The following PDE10A variants were observed in gnomAD, a reference collection of about 807,000 sequenced individuals.
PDE10A encodes phosphodiesterase 10A, also known as cAMP and cAMP-inhibited cGMP 3',5'-cyclic phosphodiesterase 10A.
A neutral mutation model predicts 97.7 loss-of-function variants in PDE10A; 39 were observed. The ratio of observed to expected loss-of-function variants is 0.40; its 90% CI spans 0.31 to 0.52. The LOEUF (loss-of-function observed/expected upper bound fraction) is 0.52, where lower values mean the gene tolerates loss of function less well. PDE10A is among the 20% of genes least tolerant of loss of function. PDE10A has a pLI of 0.56. For missense variants in PDE10A, 731 were observed against 1,047.8 expected, an observed-to-expected ratio of 0.70 and a Z score of 4.17; for synonymous variants, 371 against 376.8, an observed-to-expected ratio of 0.98 and a Z score of 0.18.
At chr6:165,374,805 C>A (rs1784512642) in intron 18 of PDE10A, among the ~76,000 whole-genome samples, 1 of 149,616 alleles carries the variant, frequency 6.7e-6, no homozygotes, top group Non-Finnish European at 1.5e-5. Context: ...TTGGGTACAG[C>A]AATATCGGCA....
intron 1 of PDE10A, among the ~76,000 whole-genome samples, chr6:165,783,026 C>T (rs1778387664): frequency 6.6e-6 from 1 of 152,046 alleles, no homozygotes; most frequent in Non-Finnish European, 1.5e-5. Flanking sequence ...CACTTCCTCG[C>T]TTATAAATTC....
At chr6:165,633,753 G>A (rs3008041) in intron 1 of PDE10A, among the ~76,000 whole-genome samples, 76,386 of 151,272 alleles carry the variant, frequency 0.5, 19,758 homozygotes, top group Middle Eastern at 0.67. Context: ...TCAGCCTCCC[G>A]AGCAGCTGGG....
intron 1 of PDE10A, among the ~76,000 whole-genome samples, chr6:165,589,231 G>A (rs770830537): frequency 2.0e-5 from 3 of 152,122 alleles, no homozygotes; most frequent in Non-Finnish European, 4.4e-5. Flanking sequence ...AAAGTTAATT[G>A]GGTAAAATGA....
At chr6:165,731,224 A>C (rs779739603) in intron 1 of PDE10A, among the ~76,000 whole-genome samples, 3 of 152,210 alleles carry the variant, frequency 2.0e-5, no homozygotes, top group Non-Finnish European at 4.4e-5. Context: ...ATGATGGGCA[A>C]AAATGAGAGA....
rs1431782299 is a variant in PDE10A, at chr6:165,671,295, A to G, written c.-614-127727T>C. On this transcript the variant is annotated intron_variant, in intron 1 of 19. Transcript: ENST00000366882. The surrounding 1 kb of genome is among the most constrained non-coding windows in gnomAD (Gnocchi z 4.6). Reference sequence around the variant, plus strand: ...GCTTTTCTAACCCTCTCCCTGAAACAGGTAAACTTGGTAATTTTATTATTT... The same window carrying G: ...GCTTTTCTAACCCTCTCCCTGAAACGGGTAAACTTGGTAATTTTATTATTT... Among the ~76,000 whole-genome samples the G allele has an allele frequency of 1.3e-5, 2 of 152,146 alleles. No individual in the cohort carries two copies. The highest frequency in any genetic ancestry group is 2.4e-5 in the African/African-American group (1 of 41,438).
chr6:165,518,799 C>G, intron 2 of PDE10A, among the ~76,000 whole-genome samples: 1 of 152,134 alleles, frequency 6.6e-6, no homozygotes, highest in East Asian at 1.9e-4. Context: ...CGACCTCAAA[C>G]TACACAAGTT....
At chr6:165,456,040 T>C (rs1013993689) in intron 3 of PDE10A, among the ~76,000 whole-genome samples, 5 of 152,210 alleles carry the variant, frequency 3.3e-5, no homozygotes, top group African/African-American at 4.8e-5. Flanking sequence ...TTCTTTATCA[T>C]CTGTAACCAG....
chr6:165,897,070 T>C (rs1327722716), intron 1 of PDE10A, among the ~76,000 whole-genome samples: 3 of 152,180 alleles, frequency 2.0e-5, no homozygotes, highest in African/African-American at 7.2e-5. Flanking sequence ...AACAGTCTGT[T>C]GGGCAAAAAT....
chr6:165,376,289 T>C (rs978288480), intron 18 of PDE10A, among the ~76,000 whole-genome samples: 2 of 152,312 alleles, frequency 1.3e-5, no homozygotes, highest in South Asian at 2.1e-4. Flanking sequence ...TAGAAACTAG[T>C]GGAGCCTGAA....
At chr6:165,845,122 C>G (rs1042324610) in intron 1 of PDE10A, among the ~76,000 whole-genome samples, 11 of 152,286 alleles carry the variant, frequency 7.2e-5, no homozygotes, top group African/African-American at 2.6e-4. Flanking sequence ...GCTATGAGAG[C>G]TGATGGTCAT....
At chr6:165,534,664 T>C (rs1489154929) in intron 2 of PDE10A, among the ~76,000 whole-genome samples, 1 of 152,028 alleles carries the variant, frequency 6.6e-6, no homozygotes, top group Non-Finnish European at 1.5e-5. Context: ...TCAATAAATA[T>C]GATATATCAC....
At chr6:165,336,328 T>G (rs986428205) in intron 20 of PDE10A, 117 bp from the exon 21 acceptor site, 5 of 710,440 alleles carry the variant, frequency 7.0e-6, no homozygotes, top group African/African-American at 5.3e-5. Flanking sequence ...AAATTGCATG[T>G]TCTAGTTTTG....
At chr6:165,392,819 T>C in intron 15 of PDE10A, 23 bp from the exon 16 acceptor site, 3 of 1,610,938 alleles carry the variant, frequency 1.9e-6, no homozygotes, top group Non-Finnish European at 2.5e-6. Context: ...GAAATTGTTA[T>C]GACTGAAACC....
chr6:165,858,332 C>T (rs543970910), intron 1 of PDE10A, among the ~76,000 whole-genome samples: 59 of 152,296 alleles, frequency 3.9e-4, no homozygotes, highest in African/African-American at 1.1e-3. Flanking sequence ...GGAGTGCTCC[C>T]GACTAAGAAG....
chr6:165,427,014 T>C (rs1242114273), intron 10 of PDE10A, among the ~76,000 whole-genome samples: 1 of 152,090 alleles, frequency 6.6e-6, no homozygotes. Context: ...GCACAGCTGC[T>C]GGGAATGAAA....
At chr6:165,369,297 T>C (rs1784044371) in intron 18 of PDE10A, among the ~76,000 whole-genome samples, 1 of 151,734 alleles carries the variant, frequency 6.6e-6, no homozygotes, top group Non-Finnish European at 1.5e-5. Flanking sequence ...CGGGAGGACA[T>C]TCAAACCAAA....
intron 5 of PDE10A, among the ~76,000 whole-genome samples, chr6:165,448,051 C>T (rs984169361): frequency 6.6e-6 from 1 of 152,138 alleles, no homozygotes; most frequent in Non-Finnish European, 1.5e-5. Context: ...TTCCTAGTAA[C>T]ATTGTATATA....
At chr6:165,432,440 G>GT (rs1384440589) in intron 7 of PDE10A, among the ~76,000 whole-genome samples, 4 of 152,182 alleles carry the variant, frequency 2.6e-5, no homozygotes, top group African/African-American at 9.6e-5. Flanking sequence ...TGAGGGACAG[G>GT]TGGGGTCGCA....
chr6:165,819,477 G>T lies in PDE10A; in HGVS notation c.-615+168052C>A, dbSNP rs1779508763. ...TGGCACCACTCTCCGAGACACGCTT[G>T]CACCCTGCACGTGCTGCCCTCTGAC... On this transcript the variant is annotated intron_variant, in intron 1 of 19. Transcript: ENST00000366882. This position sits in a 1 kb window ranked among gnomAD's most constrained non-coding sequence, Gnocchi z 4.2. 6.6e-6 allele frequency among the ~76,000 whole-genome samples: 1 copy of T among 152,140 alleles called. No individual in the cohort carries two copies. Among genetic ancestry groups the T allele is most frequent in the Non-Finnish European group, 1.5e-5 (1 of 68,030 alleles).
Sources: gnomAD v4.1 joint callset for allele counts (sites outside exome capture counted in the v4.1 genomes callset) on GRCh38, gnomAD v4.1.1 for gene constraint, Gnocchi (gnomAD v3.1) non-coding constraint, MANE v1.5 for transcripts, NCBI Gene and HGNC (gene_info 2026-07-23, HGNC 2026-07-21) for gene names.